Variants in LYPD5 observed in about 807,000 individuals in gnomAD.
LYPD5 encodes the protein LY6/PLAUR domain containing 5.
LYPD5 carries 21 observed loss-of-function variants against 19.1 expected under a neutral mutation model. The ratio of observed to expected loss-of-function variants is 1.10; its 90% CI spans 0.78 to 1.58. LYPD5 has a LOEUF of 1.58. Among genes scored for constraint, LYPD5 ranks in the 40% most tolerant of loss-of-function variants. The pLI is 0.00. For missense variants in LYPD5, 287 were observed against 329.8 expected, an observed-to-expected ratio of 0.87 and a Z score of 1.00; for synonymous variants, 128 against 142.7, an observed-to-expected ratio of 0.90 and a Z score of 0.74.
At chr19:43,802,478 G>T, upstream of LYPD5, 2 of 1,150,170 alleles carry the variant, frequency 1.7e-6, no homozygotes, top group Non-Finnish European at 2.5e-6. Context: ...ACCCAGCCTG[G>T]CCAGTATTTC....
intron 1 of LYPD5, among the ~76,000 whole-genome samples, chr19:43,813,725 T>C (rs1009009239): frequency 4.6e-5 from 7 of 152,220 alleles, no homozygotes; most frequent in African/African-American, 1.7e-4. Context: ...TTTCATTCTG[T>C]TGCCCAGGCT....
intron 1 of LYPD5, among the ~76,000 whole-genome samples, chr19:43,817,367 A>C (rs16976804): frequency 0.19 from 29,074 of 152,132 alleles, 2,815 homozygotes; most frequent in Non-Finnish European, 0.21. Context: ...TCAAACCTCT[A>C]TATGTCACAT....
At chr19:43,807,584 C>T (rs1970282821) in intron 1 of LYPD5, among the ~76,000 whole-genome samples, 1 of 152,120 alleles carries the variant, frequency 6.6e-6, no homozygotes, top group African/African-American at 2.4e-5. Flanking sequence ...GCCTGGCCCA[C>T]CTTCTAATTT....
At chr19:43,802,715 C>T (rs1970238941), upstream of LYPD5, among the ~76,000 whole-genome samples, 1 of 151,960 alleles carries the variant, frequency 6.6e-6, no homozygotes, top group South Asian at 2.1e-4. Context: ...TTTGACTTCC[C>T]TTCCCTCCCC....
chr19:43,816,967 C>G (rs1239339570), intron 1 of LYPD5, among the ~76,000 whole-genome samples: 1 of 152,118 alleles, frequency 6.6e-6, no homozygotes, highest in Non-Finnish European at 1.5e-5. Flanking sequence ...TGAGGCCTCC[C>G]CAGGCATGTG....
intron 1 of LYPD5, among the ~76,000 whole-genome samples, chr19:43,801,037 GAAAA>G (rs4027763): frequency 3.8e-5 from 5 of 132,216 alleles, no homozygotes; most frequent in African/African-American, 1.4e-4. Context: ...TACATGGAGA[GAAAA>G]AAAAAAAAAA....
rs996899334 is a variant in LYPD5, at chr19:43,809,184, C to T, written c.-65-9350G>A. ...CCTCCCGAGTAGCTGGGATTACAGG[C>T]GCCCGCCACTACACCCGGCTAATTT... On this transcript the variant is annotated intron_variant, in intron 1 of 4. Coordinates refer to the LYPD5 transcript ENST00000414615. 2.6e-5 allele frequency among the ~76,000 whole-genome samples: 4 copies of T among 151,006 alleles called. No individual in the cohort carries two copies. In the South Asian group the frequency reaches 6.3e-4, roughly 24 times the overall value.
rs747587509 is a variant in LYPD5 at position 43,799,829 on chromosome 19, G to C, written c.70C>G (p.Gln24Glu). 1 of 1,610,646 alleles carries C rather than the reference G, an allele frequency of 6.2e-7. No homozygotes were observed. The highest frequency in any genetic ancestry group is 8.5e-7 in the Non-Finnish European group (1 of 1,178,618). The change falls in exon 2 of 5, where the codon CAA (glutamine) becomes GAA (glutamate). Residue 24 changes from glutamine to glutamate, a missense_variant. Transcript: ENST00000377950. ...TCAAAGCTGTAGCACTGCAGGGCTT[G>C]GGACCCTGGGGAGAGAGGCGTGGCA... The part of the protein sequence containing the change: ...FGAALCLTGS[Q>E]ALQCYSFEHT...
chr19:43,801,500 C>CA (rs1331388574), intron 1 of LYPD5, among the ~76,000 whole-genome samples: 6 of 151,962 alleles, frequency 3.9e-5, no homozygotes, highest in African/African-American at 1.4e-4. Flanking sequence ...GACCCTGTCT[C>CA]AAAAAACAAA....
chr19:43,809,147 C>T (rs1288843817), intron 1 of LYPD5, among the ~76,000 whole-genome samples: 2 of 151,534 alleles, frequency 1.3e-5, no homozygotes, highest in Non-Finnish European at 2.9e-5. Flanking sequence ...TCAAGTGATT[C>T]TCCTGCCTCA....
chr19:43,819,601 C>G (rs1249378560), intron 1 of LYPD5, among the ~76,000 whole-genome samples: 1 of 152,008 alleles, frequency 6.6e-6, no homozygotes, highest in African/African-American at 2.4e-5. Context: ...ATCCCCTAGA[C>G]CCCCGTTGGA....
intron 1 of LYPD5, among the ~76,000 whole-genome samples, chr19:43,809,058 A>G (rs1314899829): frequency 1.3e-5 from 2 of 152,160 alleles, no homozygotes; most frequent in African/African-American, 4.8e-5. Flanking sequence ...TGTTGTTTTG[A>G]GACAAGAGTC....
intron 1 of LYPD5, among the ~76,000 whole-genome samples, chr19:43,816,059 T>TATCTATCTATCTATCTATCTATCTATCA (rs1555729532): frequency 6.6e-6 from 1 of 151,996 alleles, no homozygotes; most frequent in African/African-American, 2.4e-5. Context: ...TCTATCTATC[T>TATCTATCTATCTATCTATCTATCTATCA]ATCTATCTAT....
upstream of LYPD5, among the ~76,000 whole-genome samples, chr19:43,806,264 C>A (rs766105154): frequency 6.6e-6 from 1 of 152,134 alleles, no homozygotes; most frequent in African/African-American, 2.4e-5. Flanking sequence ...TTGTGAATTG[C>A]GTATGCAAGG....
chr19:43,802,414 G>T lies in LYPD5; in HGVS notation c.-34C>A. 4 of 1,540,484 alleles carry T rather than the reference G, an allele frequency of 2.6e-6. No individual in the cohort carries two copies. The highest frequency in any genetic ancestry group is 3.5e-6 in the Non-Finnish European group (4 of 1,137,038). ...TGGGCCACCTGGGACAGCTCCTCCCGCTGTGATGTGCTGCCTGGCTGGTTC... is the reference window on the plus strand; with the variant it reads ...TGGGCCACCTGGGACAGCTCCTCCCTCTGTGATGTGCTGCCTGGCTGGTTC... On this transcript the variant is annotated 5_prime_UTR_variant, in exon 1 of 5. Transcript: ENST00000377950.
rs1970145373 is a variant in LYPD5 at position 43,797,324 on chromosome 19, CAGTG to C, written c.*263_*266del. 2.3e-6 allele frequency: 1 copy of C among 438,586 alleles called. No individual in the cohort carries two copies. The highest frequency in any genetic ancestry group is 4.1e-6 in the Non-Finnish European group (1 of 245,306). 27.2% of individuals were successfully genotyped at this position (438,586 alleles called of 1,614,324 possible). ...GGGTGCCTGGTGCCTGGCTGGTGCTCAGTGAGTAACAGCTGTGATCAGAATTGCT... is the reference window on the plus strand; with the variant it reads ...GGGTGCCTGGTGCCTGGCTGGTGCTCAGTAACAGCTGTGATCAGAATTGCT... On this transcript the variant is annotated 3_prime_UTR_variant, in exon 5 of 5. Transcript: ENST00000377950.
chr19:43,815,954 GA>G (rs1568407381), intron 1 of LYPD5, among the ~76,000 whole-genome samples: 1 of 151,896 alleles, frequency 6.6e-6, no homozygotes, highest in Non-Finnish European at 1.5e-5. Flanking sequence ...GGCTGGTCTC[GA>G]ACTCCTAACC....
At chr19:43,813,082 C>A (rs1970340562) in intron 1 of LYPD5, among the ~76,000 whole-genome samples, 1 of 152,194 alleles carries the variant, frequency 6.6e-6, no homozygotes, top group Admixed American at 6.5e-5. Context: ...ATTCCTGCCC[C>A]ATTCAGGAGA....
chr19:43,800,963 CAA>C (rs11354228), intron 1 of LYPD5, among the ~76,000 whole-genome samples: 37,912 of 119,352 alleles, frequency 0.32, 5,296 homozygotes, highest in Non-Finnish European at 0.37. Flanking sequence ...GACTCTGTCT[CAA>C]AAAAAAAAAA....
Sources: allele counts gnomAD v4.1 joint callset (sites outside exome capture counted in the v4.1 genomes callset), GRCh38; gene constraint gnomAD v4.1.1; transcripts MANE v1.5; gene names NCBI Gene and HGNC (gene_info 2026-07-23, HGNC 2026-07-21).